IQSEC1: variants seen among roughly 807,000 people sequenced by gnomAD.
The protein encoded by IQSEC1 is IQ motif and Sec7 domain ArfGEF 1.
Under a neutral mutation model 91.0 loss-of-function variants are expected in IQSEC1, and 31 were observed. That is an observed-to-expected ratio of 0.34 (90% CI 0.26 to 0.46). The LOEUF (loss-of-function observed/expected upper bound fraction) is 0.46. IQSEC1 is among the 20% of genes least tolerant of loss of function. The probability of loss-of-function intolerance (pLI) is 1.00; values close to 1 mark genes in which losing one functional copy is unlikely to be tolerated. For missense variants in IQSEC1, 1,388 were observed against 1,575.6 expected, an observed-to-expected ratio of 0.88 and a Z score of 2.02; for synonymous variants, 699 against 662.6, an observed-to-expected ratio of 1.05 and a Z score of -0.84.
At chr3:12,998,639 T>C (rs919713760) in intron 1 of IQSEC1, among the ~76,000 whole-genome samples, 1 of 151,630 alleles carries the variant, frequency 6.6e-6, no homozygotes, top group African/African-American at 2.4e-5. Context: ...TTTTTTTAAA[T>C]AAAAATAAAA....
At chr3:13,165,287 T>C (rs1372896426) in intron 1 of IQSEC1, among the ~76,000 whole-genome samples, 4 of 152,024 alleles carry the variant, frequency 2.6e-5, no homozygotes, top group South Asian at 4.2e-4. Context: ...GCAGGTGAAG[T>C]GGTGATGTGA....
At chr3:13,236,305 T>C (rs745335247) in intron 1 of IQSEC1, among the ~76,000 whole-genome samples, 4 of 152,116 alleles carry the variant, frequency 2.6e-5, no homozygotes, top group Non-Finnish European at 5.9e-5. Context: ...TTCACATACT[T>C]AAGGCCAACT....
At chr3:12,915,256 C>A in intron 7 of IQSEC1, 123 bp from the exon 8 acceptor site, 1 of 1,122,892 alleles carries the variant, frequency 8.9e-7, no homozygotes, top group South Asian at 1.4e-5. Context: ...TGTGGGGTAC[C>A]CACTCTCTCT....
intron 1 of IQSEC1, among the ~76,000 whole-genome samples, chr3:13,009,876 C>T (rs577290022): frequency 2.6e-5 from 4 of 152,316 alleles, no homozygotes; most frequent in Non-Finnish European, 4.4e-5. Flanking sequence ...GTCTCCTCTG[C>T]CAGCCTGTCC....
intron 1 of IQSEC1, among the ~76,000 whole-genome samples, chr3:12,962,782 G>A (rs767285997): frequency 3.3e-5 from 5 of 152,208 alleles, no homozygotes; most frequent in East Asian, 1.9e-4. Context: ...GAATCCTGCC[G>A]GAGAGTCTGG....
upstream of IQSEC1, among the ~76,000 whole-genome samples, chr3:13,076,999 A>T (rs1363265005): frequency 6.7e-6 from 1 of 149,414 alleles, no homozygotes; most frequent in Admixed American, 6.8e-5. Flanking sequence ...ACCCTAAAAA[A>T]AATGGCATCA....
At chr3:13,180,919 T>G (rs552165747) in intron 1 of IQSEC1, among the ~76,000 whole-genome samples, 3 of 151,872 alleles carry the variant, frequency 2.0e-5, no homozygotes, top group Non-Finnish European at 4.4e-5. Context: ...ACCACGAGGG[T>G]CCGCGGCTTC....
At position 13,207,021 on chromosome 3, in the gene IQSEC1, T is replaced by C. The variant is rs372626073; in HGVS notation, c.273-42888A>G. Among the ~76,000 whole-genome samples the C allele has an allele frequency of 6.6e-6, 1 of 152,006 alleles. No individual in the cohort carries two copies. The highest frequency in any genetic ancestry group is 1.5e-5 in the Non-Finnish European group (1 of 67,974). ...TCCTGGTTAGCCACACCTGGACTGG[T>C]CATTTCCCATCTCTAGCATATTAGC... On this transcript the variant is annotated intron_variant, in intron 1 of 15. Transcript: ENST00000648114. This position sits in a 1 kb window ranked among gnomAD's most constrained non-coding sequence, Gnocchi z 4.8.
intron 1 of IQSEC1, among the ~76,000 whole-genome samples, chr3:13,244,898 T>A (rs1695082612): frequency 6.6e-6 from 1 of 152,166 alleles, no homozygotes; most frequent in Non-Finnish European, 1.5e-5. Flanking sequence ...TGTGACACTC[T>A]GCCACCCCAC....
chr3:13,192,624 C>T lies in IQSEC1; in HGVS notation c.273-28491G>A, dbSNP rs144164759. On this transcript the variant is annotated intron_variant, in intron 1 of 15. Coordinates refer to the IQSEC1 transcript ENST00000648114. ...GAGAGGCCAGGTGAGTATTCTCCCTCGGGGCCCCAAGAGGACTCACCCTGC... is the reference window on the plus strand; with the variant it reads ...GAGAGGCCAGGTGAGTATTCTCCCTTGGGGCCCCAAGAGGACTCACCCTGC... 2.0e-3 allele frequency among the ~76,000 whole-genome samples: 302 copies of T among 152,346 alleles called. 1 individual carries two copies. Among genetic ancestry groups the T allele is most frequent in the African/African-American group, 6.3e-3 (261 of 41,582 alleles).
chr3:13,168,483 C>T (rs1693539616), intron 1 of IQSEC1, among the ~76,000 whole-genome samples: 1 of 152,200 alleles, frequency 6.6e-6, no homozygotes, highest in South Asian at 2.1e-4. Flanking sequence ...AGGCCTTCAG[C>T]AGCTCCCCAG....
chr3:12,898,294 C>T lies in IQSEC1; in HGVS notation c.*2689G>A, dbSNP rs1259326357. ...CAAGATGTGGGCAGCATGACTCCAG[C>T]CTCTGGAACCCAACAATGTATCTTC... On this transcript the variant is annotated 3_prime_UTR_variant, in exon 14 of 14. Transcript: ENST00000613206. 1 of 152,258 alleles carries T rather than the reference C, an allele frequency of 6.6e-6. No individual in the cohort carries two copies. Among genetic ancestry groups the T allele is most frequent in the Non-Finnish European group, 1.5e-5 (1 of 68,044 alleles). 9.4% of individuals were successfully genotyped at this position (152,258 alleles called of 1,614,324 possible).
intron 1 of IQSEC1, among the ~76,000 whole-genome samples, chr3:13,167,132 A>G (rs960040910): frequency 8.5e-5 from 13 of 152,300 alleles, no homozygotes; most frequent in African/African-American, 2.4e-4. Context: ...ATGGGCAAAG[A>G]AGCAGATGGT....
At chr3:12,984,957 T>C (rs1165462062) in intron 1 of IQSEC1, among the ~76,000 whole-genome samples, 3 of 150,866 alleles carry the variant, frequency 2.0e-5, no homozygotes, top group Non-Finnish European at 1.5e-5. Flanking sequence ...CCCGAGTAGC[T>C]GGGATTACAG....
At chr3:13,253,341 G>C (rs924541968) in intron 1 of IQSEC1, among the ~76,000 whole-genome samples, 3 of 152,168 alleles carry the variant, frequency 2.0e-5, no homozygotes, top group African/African-American at 7.2e-5. Context: ...CAGAATGCAA[G>C]AGTTCCCAGA....
At chr3:13,139,632 T>C (rs1053456502) in intron 2 of IQSEC1, among the ~76,000 whole-genome samples, 1 of 152,220 alleles carries the variant, frequency 6.6e-6, no homozygotes, top group African/African-American at 2.4e-5. Context: ...TTATTCGTTT[T>C]ATGAAAATTT....
At chr3:13,258,218 T>C (rs1306222662) in intron 1 of IQSEC1, among the ~76,000 whole-genome samples, 1 of 152,198 alleles carries the variant, frequency 6.6e-6, no homozygotes, top group Non-Finnish European at 1.5e-5. Flanking sequence ...GGTTCATCCA[T>C]TGCGGCAGAT....
chr3:12,962,331 C>A (rs1474649669), intron 1 of IQSEC1, among the ~76,000 whole-genome samples: 2 of 152,206 alleles, frequency 1.3e-5, no homozygotes, highest in Non-Finnish European at 2.9e-5. Flanking sequence ...ACCCTCCCAG[C>A]CAGAAATAGA....
At chr3:13,199,733 C>G (rs1694203828) in intron 1 of IQSEC1, among the ~76,000 whole-genome samples, 1 of 152,164 alleles carries the variant, frequency 6.6e-6, no homozygotes, top group Admixed American at 6.5e-5. Context: ...CTGCCCCCAT[C>G]TGAGTCCTCC....
Sources: allele counts gnomAD v4.1 joint callset (sites outside exome capture counted in the v4.1 genomes callset), GRCh38; gene constraint gnomAD v4.1.1; non-coding constraint Gnocchi (gnomAD v3.1); transcripts MANE v1.5; gene names NCBI Gene and HGNC (gene_info 2026-07-23, HGNC 2026-07-21).